Variants in TRMT9B observed in about 807,000 individuals in gnomAD.
TRMT9B encodes the protein probable tRNA methyltransferase 9B.
TRMT9B carries 16 observed loss-of-function variants against 11.5 expected under a neutral mutation model. The ratio of observed to expected loss-of-function variants is 1.39; its 90% CI spans 0.94 to 2.11. The LOEUF is 2.11. TRMT9B is among the 30% of genes most tolerant of loss of function. The pLI, the probability that TRMT9B is intolerant of heterozygous loss-of-function variation, is 0.00. For missense variants in TRMT9B, 941 were observed against 553.8 expected (o/e 1.70, Z -7.02); for synonymous variants, 274 against 192.4 (o/e 1.42, Z -3.51).
rs1163834077 is a variant in TRMT9B, at chr8:13,022,917, A to T, written c.*873A>T. On this transcript the variant is annotated 3_prime_UTR_variant, in exon 5 of 5. Transcript: ENST00000524591. The stretch of plus-strand genomic sequence containing the variant: ...AGGATCACGTGAGCCCAGGAATTCA[A>T]GGCTGCAGTGAACTATGATTGCATC... 1 of 166,652 alleles carries T rather than the reference A, an allele frequency of 6.0e-6. No homozygotes were observed. The highest frequency in any genetic ancestry group is 2.1e-4 in the South Asian group (1 of 4,810). 10.3% of individuals were successfully genotyped at this position (166,652 alleles called of 1,614,324 possible).
At chr8:12,973,173 T>A (rs1337692647) in intron 1 of TRMT9B, among the ~76,000 whole-genome samples, 1 of 152,226 alleles carries the variant, frequency 6.6e-6, no homozygotes, top group Admixed American at 6.5e-5. Flanking sequence ...ATTGCATTGC[T>A]TTTTAAGGCT....
At position 13,021,734 on chromosome 8, in the gene TRMT9B, G is replaced by C; in HGVS notation, c.1055G>C (p.Ser352Thr). ...RRNGGGNFLD[S>T]TNTGVNCVDA... Reference sequence around the variant, plus strand: ...AATGGAGGGGGAAATTTTCTGGATAGCACTAATACTGGTGTGAATTGTGTG... The same window carrying C: ...AATGGAGGGGGAAATTTTCTGGATACCACTAATACTGGTGTGAATTGTGTG... The change falls in exon 5 of 5, where the codon AGC (serine) becomes ACC (threonine). Residue 352 changes from serine to threonine, a missense_variant. Transcript: ENST00000524591. The C allele has an allele frequency of 6.2e-7, 1 of 1,613,936 alleles. No individual in the cohort carries two copies. Among genetic ancestry groups the C allele is most frequent in the Non-Finnish European group, 8.5e-7 (1 of 1,179,880 alleles).
intron 1 of TRMT9B, among the ~76,000 whole-genome samples, chr8:12,983,323 C>CAA (rs34588849): frequency 1.7e-4 from 26 of 149,186 alleles, no homozygotes; most frequent in South Asian, 4.3e-4. Flanking sequence ...AGTTCCAAGA[C>CAA]AAAAAAAAAA....
rs758918557 is a variant in TRMT9B at position 13,021,688 on chromosome 8, C to A, written c.1009C>A (p.His337Asn). ...CACTCTGAAACATTTAAATGGAGAC[C>A]ATCAAGGGGAAATGAGGAGAAATGG... Reference protein sequence around the residue: ...PGTLKHLNGDHQGEMRRNGGG... With the variant: ...PGTLKHLNGDNQGEMRRNGGG... The change falls in exon 5 of 5, where the codon CAT becomes AAT. Residue 337 changes from histidine (H) to asparagine (N), a missense_variant. By Grantham distance (68) the His-to-Asn change is moderately conservative (BLOSUM62 1). Transcript: ENST00000524591. 7.4e-6 allele frequency: 12 copies of A among 1,613,834 alleles called. No homozygotes were observed. The highest frequency in any genetic ancestry group is 3.3e-4 in the Middle Eastern group (2 of 6,062).
Position 13,022,185 on chromosome 8 carries a change from G to GC in TRMT9B, c.*141_*142insC, listed in dbSNP as rs1563464749. 1.3e-5 allele frequency: 8 copies of GC among 607,140 alleles called. No individual in the cohort carries two copies. The East Asian group carries it at 2.4e-4, about 18-fold the overall frequency. The allele number at this position is 607,140 out of a possible 1,614,324, so 37.6% of individuals were successfully genotyped here. A position where few individuals can be genotyped will look rare whatever the true frequency, so the allele number is the denominator to read the frequency against. ...TGCAGAGACTATTAATTATTTGGTT[G>GC]TTTTGTTTTCATTTTTGAATAAGCA... On this transcript the variant is annotated 3_prime_UTR_variant, in exon 5 of 5. Coordinates refer to ENST00000524591, the MANE Select transcript of TRMT9B (RefSeq NM_020844.3).
intron 1 of TRMT9B, among the ~76,000 whole-genome samples, chr8:12,969,706 G>T (rs555171332): frequency 1.4e-4 from 21 of 150,356 alleles, no homozygotes; most frequent in Admixed American, 4.0e-4. Context: ...TCTCTATACC[G>T]CAGGCTGGAG....
chr8:13,020,512 A>G (rs2128902411), intron 4 of TRMT9B, among the ~76,000 whole-genome samples: 1 of 152,346 alleles, frequency 6.6e-6, no homozygotes, highest in Middle Eastern at 3.4e-3. Flanking sequence ...TGCATTATCT[A>G]GACAGAGAAA....
intron 1 of TRMT9B, chr8:12,958,380 A>C (rs530661617): frequency 2.6e-5 from 4 of 152,212 alleles, no homozygotes; most frequent in African/African-American, 9.7e-5. Flanking sequence ...GAAATTAAAA[A>C]TGGAAGGAAA....
At chr8:13,013,956 T>TA (rs1034497473) in intron 4 of TRMT9B, among the ~76,000 whole-genome samples, 22 of 151,806 alleles carry the variant, frequency 1.4e-4, no homozygotes, top group African/African-American at 3.1e-4. Context: ...CTCAAAAAAA[T>TA]AAAAAAAATA....
At chr8:12,962,742 C>T (rs1353984544) in intron 1 of TRMT9B, among the ~76,000 whole-genome samples, 4 of 152,170 alleles carry the variant, frequency 2.6e-5, no homozygotes, top group East Asian at 1.9e-4. Flanking sequence ...CTTCCCACCT[C>T]GCCCTCCCAA....
Position 13,024,044 on chromosome 8 carries a change from T to TC in TRMT9B, c.*2000_*2001insC, listed in dbSNP as rs1554543475. The TC allele has an allele frequency of 7.3e-6, 1 of 137,122 alleles. No individual in the cohort carries two copies. 8.5% of individuals were successfully genotyped at this position (137,122 alleles called of 1,614,324 possible). A position where few individuals can be genotyped will look rare whatever the true frequency, so the allele number is the denominator to read the frequency against. On this transcript the variant is annotated 3_prime_UTR_variant, in exon 5 of 5. Transcript: ENST00000524591. The stretch of plus-strand genomic sequence containing the variant: ...ATTAATTTGGTTTCTTCTATTTCTT[T>TC]TTTTTTTTTTTTTTTTTGAGACAGA...
intron 4 of TRMT9B, among the ~76,000 whole-genome samples, chr8:13,014,580 A>G (rs1812267375): frequency 6.6e-6 from 1 of 152,122 alleles, no homozygotes; most frequent in South Asian, 2.1e-4. Context: ...AAACCTCCTA[A>G]AGTTCTGCCT....
At chr8:13,011,392 G>T (rs1585360698) in intron 3 of TRMT9B, 1 of 985,274 alleles carries the variant, frequency 1.0e-6, no homozygotes, top group African/African-American at 1.7e-5. Flanking sequence ...TAGTAAGGAG[G>T]GGTTATTAGT....
chr8:13,028,982 T>C lies in TRMT9B; in HGVS notation c.*6938T>C, dbSNP rs73206625. 0.02 allele frequency: 3,395 copies of C among 167,144 alleles called. 55 individuals carry two copies. Among genetic ancestry groups the C allele is most frequent in the Non-Finnish European group, 0.03 (2,071 of 68,094 alleles). The allele number at this position is 167,144 out of a possible 1,614,324, so 10.4% of individuals were successfully genotyped here. ...GAGTATCTGAGAGGCTTTGAATATG[T>C]ATGTGCAAACTGTCCTATTTTCTTT... On this transcript the variant is annotated 3_prime_UTR_variant, in exon 5 of 5. Coordinates refer to ENST00000524591, the MANE Select transcript of TRMT9B (RefSeq NM_020844.3).
chr8:13,020,871 C>G, intron 4 of TRMT9B, 137 bp from the exon 5 acceptor site: 1 of 571,762 alleles, frequency 1.7e-6, no homozygotes, highest in Non-Finnish European at 2.9e-6. Context: ...TTTCTGTCAT[C>G]ATCGTTGCCA....
chr8:12,968,196 T>C (rs1471287390), intron 1 of TRMT9B, among the ~76,000 whole-genome samples: 1 of 152,234 alleles, frequency 6.6e-6, no homozygotes, highest in African/African-American at 2.4e-5. Context: ...AGTGCTATTT[T>C]AAATGAAATA....
At position 13,012,678 on chromosome 8, in the gene TRMT9B, T is replaced by C. The variant is rs1266138819; in HGVS notation, c.155-6T>C. 1.9e-6 allele frequency: 3 copies of C among 1,610,558 alleles called. No homozygotes were observed. On this transcript the variant is annotated splice_region_variant and splice_polypyrimidine_tract_variant and intron_variant, in intron 3 of 4. Transcript: ENST00000524591. ...ATAGCATGTAACGCAGGTTTTTCTC[T>C]TATAGGTTGTGGGACTGGAAAATAT...
At chr8:13,011,435 C>A (rs369725179) in intron 3 of TRMT9B, 1 of 985,248 alleles carries the variant, frequency 1.0e-6, no homozygotes, top group Non-Finnish European at 1.2e-6. Context: ...GCAAACTAAT[C>A]ATCTTTGAAT....
intron 1 of TRMT9B, chr8:12,958,717 A>G (rs1383792063): frequency 1.3e-5 from 2 of 152,246 alleles, no homozygotes; most frequent in African/African-American, 4.8e-5. Context: ...GAGATTGAAC[A>G]AAAGAATTCT....
Sources: gnomAD v4.1 joint callset for allele counts (sites outside exome capture counted in the v4.1 genomes callset) on GRCh38, gnomAD v4.1.1 for gene constraint, MANE v1.5 for transcripts, NCBI Gene and HGNC (gene_info 2026-07-23, HGNC 2026-07-21) for gene names.